The following GCDH variants were observed in gnomAD, a reference collection of about 807,000 sequenced individuals.
GCDH encodes the protein glutaryl-CoA dehydrogenase, also known as glutaryl-CoA dehydrogenase, mitochondrial.
GCDH carries 31 observed loss-of-function variants against 52.8 expected under a neutral mutation model. The ratio of observed to expected loss-of-function variants is 0.59; its 90% CI spans 0.44 to 0.79. The LOEUF (loss-of-function observed/expected upper bound fraction) is 0.79, where lower values mean the gene tolerates loss of function less well. Ranked by LOEUF, GCDH falls within the 30% of genes least tolerant of loss-of-function variation. The pLI, the probability that GCDH is intolerant of heterozygous loss-of-function variation, is 0.00. For missense variants in GCDH, 509 were observed against 595.0 expected (o/e 0.86, Z 1.50); for synonymous variants, 242 against 250.0 (o/e 0.97, Z 0.30).
rs1355435798 is a variant in GCDH at position 12,896,400 on chromosome 19, C to T, written c.831C>T (p.Leu277=). ...TGGAGGTGCCAGAGGAGAATGTGCT[C>T]CCTGGTGCATCCAGCCTGGGGGTAA... ...DGVEVPEENV[L]PGASSLGGPF... Residue 277 remains leucine (L), a synonymous_variant, in exon 8 of 12, where the codon CTC becomes CTT. Transcript: ENST00000222214. The surrounding 1 kb of genome is among the most constrained non-coding windows in gnomAD (Gnocchi z 5.5). 6.2e-7 allele frequency: 1 copy of T among 1,613,650 alleles called. No individual in the cohort carries two copies. Among genetic ancestry groups the T allele is most frequent in the Non-Finnish European group, 8.5e-7 (1 of 1,179,894 alleles).
In GCDH at chr19:12,896,556, C is replaced by T. The variant is rs1053222308; in HGVS notation, c.852+135C>T. 6 of 770,456 alleles carry T rather than the reference C, an allele frequency of 7.8e-6. No homozygotes were observed. Among genetic ancestry groups the T allele is most frequent in the Admixed American group, 4.0e-5 (2 of 49,490 alleles). 47.7% of individuals were successfully genotyped at this position (770,456 alleles called of 1,614,324 possible). Reference sequence around the variant, plus strand: ...GTGGTGATTCTTACTCAGCCGGACTCGCTGACGTGCTGAAAACTGCCCCCA... The same window carrying T: ...GTGGTGATTCTTACTCAGCCGGACTTGCTGACGTGCTGAAAACTGCCCCCA... On this transcript the variant is annotated intron_variant, in intron 8 of 11. Transcript: ENST00000222214. This position sits in a 1 kb window ranked among gnomAD's most constrained non-coding sequence, Gnocchi z 5.5.
In GCDH at chr19:12,897,335, A is replaced by G; in HGVS notation, c.989A>G (p.Gln330Arg). The G allele has an allele frequency of 6.2e-7, 1 of 1,613,838 alleles. No individual in the cohort carries two copies. Among genetic ancestry groups the G allele is most frequent in the Non-Finnish European group, 8.5e-7 (1 of 1,179,994 alleles). The change falls in exon 10 of 12, where the codon CAG becomes CGG. Residue 330 changes from glutamine to arginine, a missense_variant. By Grantham distance (43) the Gln-to-Arg change is conservative. Transcript: ENST00000222214. ...TTTGGTGTCCCACTGGCCAGGAACC[A>G]GCTGATTCAGAAGAAGCTGGCAGAC... ...MQFGVPLARN[Q>R]LIQKKLADML... is the part of the protein sequence containing the mutation.
intron 11 of GCDH, chr19:12,898,929 G>A (rs558080823): frequency 5.6e-5 from 13 of 232,582 alleles, no homozygotes; most frequent in Admixed American, 3.6e-4. Flanking sequence ...TGGGAGAGGC[G>A]GCTTCAGATG....
Position 12,896,817 on chromosome 19 carries a change from TG to T in GCDH, c.853-89del. The stretch of plus-strand genomic sequence containing the variant: ...CCTGAGTCCCCCTGCGTGGGGTGGC[TG>T]GGGAGGAGGCTTTCCCTGCTTCAGA... On this transcript the variant is annotated intron_variant, in intron 8 of 11. Transcript: ENST00000222214. This position sits in a 1 kb window ranked among gnomAD's most constrained non-coding sequence, Gnocchi z 5.5. 1.2e-6 allele frequency: 1 copy of T among 865,414 alleles called. No homozygotes were observed. Among genetic ancestry groups the T allele is most frequent in the Non-Finnish European group, 1.9e-6 (1 of 518,574 alleles). The allele number at this position is 865,414 out of a possible 1,614,324, so 53.6% of individuals were successfully genotyped here. A position where few individuals can be genotyped will look rare whatever the true frequency, so the allele number is the denominator to read the frequency against.
chr19:12,897,150 G>A, intron 9 of GCDH, 137 bp downstream of exon 9: 2 of 1,215,350 alleles, frequency 1.6e-6, no homozygotes, highest in East Asian at 2.5e-5. Context: ...ACGTCCTTCT[G>A]AGCAGCTGTG....
Position 12,892,194 on chromosome 19 carries a change from T to C in GCDH, c.334+16T>C. 1 of 1,604,626 alleles carries C rather than the reference T, an allele frequency of 6.2e-7. No homozygotes were observed. The highest frequency in any genetic ancestry group is 8.5e-7 in the Non-Finnish European group (1 of 1,171,388). On this transcript the variant is annotated intron_variant, in intron 5 of 11. Transcript: ENST00000222214. The stretch of plus-strand genomic sequence containing the variant: ...ACCATCAAAGGTAGGAACAAGTATC[T>C]CTCCACACACTGCAGAACCCTCTGT...
Position 12,896,416 on chromosome 19 carries a change from C to T in GCDH, c.847C>T (p.Leu283=), listed in dbSNP as rs878930984. ...GAATGTGCTCCCTGGTGCATCCAGCCTGGGGGTAAGTGGCAGCCACTTTGG... is the reference window on the plus strand; with the variant it reads ...GAATGTGCTCCCTGGTGCATCCAGCTTGGGGGTAAGTGGCAGCCACTTTGG... The part of the protein sequence containing the change: ...EENVLPGASS[L]GGPFGCLNNA... The change falls in exon 8 of 12, where the codon CTG becomes TTG. Residue 283 remains leucine (L), a synonymous_variant. Transcript: ENST00000222214. This position sits in a 1 kb window ranked among gnomAD's most constrained non-coding sequence, Gnocchi z 5.5. 6.2e-7 allele frequency: 1 copy of T among 1,612,422 alleles called. No individual in the cohort carries two copies. Among genetic ancestry groups the T allele is most frequent in the Non-Finnish European group, 8.5e-7 (1 of 1,179,300 alleles).
intron 11 of GCDH, chr19:12,899,119 G>C: frequency 1.7e-6 from 1 of 586,122 alleles, no homozygotes; most frequent in South Asian, 2.0e-5. Context: ...GGCTGGGGGT[G>C]GGGAGAACTT....
In GCDH at chr19:12,899,502, A is replaced by G. The variant is rs1970782644; in HGVS notation, c.1278A>G (p.Arg426=). The G allele has an allele frequency of 6.2e-7, 1 of 1,614,096 alleles. No homozygotes were observed. The highest frequency in any genetic ancestry group is 8.5e-7 in the Non-Finnish European group (1 of 1,180,000). The change falls in exon 12 of 12, where the codon AGA becomes AGG. Residue 426 remains arginine, a synonymous_variant. Coordinates refer to ENST00000222214, the MANE Select transcript of GCDH (RefSeq NM_000159.4). The stretch of plus-strand genomic sequence containing the variant: ...ACATTCACGCCCTGATCCTTGGGAG[A>G]GCTATCACGGGAATCCAGGCGTTCA... The part of the protein sequence containing the change: ...THDIHALILG[R]AITGIQAFTA...
chr19:12,892,064 G>A, intron 4 of GCDH, 52 bp from the exon 5 acceptor site: 1 of 1,612,730 alleles, frequency 6.2e-7, no homozygotes, highest in Middle Eastern at 1.6e-4. Flanking sequence ...TGGGGCTGGG[G>A]CTTCCTGTGG....
At chr19:12,899,038 CAG>C (rs952621636) in intron 11 of GCDH, 3 of 441,288 alleles carry the variant, frequency 6.8e-6, no homozygotes, top group Non-Finnish European at 1.3e-5. Context: ...CCTTGGAGCT[CAG>C]GGGTGCTTTC....
At chr19:12,897,110 C>G in intron 9 of GCDH, 97 bp downstream of exon 9, 1 of 1,200,806 alleles carries the variant, frequency 8.3e-7, no homozygotes. Flanking sequence ...ACCCACCAGG[C>G]CTGAGTTCCT....
At chr19:12,893,198 T>G (rs779096847) in intron 5 of GCDH, among the ~76,000 whole-genome samples, 2 of 152,130 alleles carry the variant, frequency 1.3e-5, no homozygotes, top group Non-Finnish European at 2.9e-5. Context: ...CTTTGTTTCT[T>G]TTTTTAGAGA....
rs751454561 is a variant in GCDH, at chr19:12,893,602, A to G, written c.454A>G (p.Ile152Val). Residue 152 changes from isoleucine to valine, a missense_variant, in exon 6 of 12, where the codon ATC becomes GTC. By Grantham distance (29) the Ile-to-Val change is conservative. Transcript: ENST00000222214. ...SVQSSLVMHP[I>V]YAYGSEEQRQ... ...CCAGTCCTCCCTCGTCATGCACCCT[A>G]TCTATGCCTATGGCAGCGAGGAACA... The G allele has an allele frequency of 6.2e-7, 1 of 1,613,926 alleles. No homozygotes were observed. Among genetic ancestry groups the G allele is most frequent in the South Asian group, 1.1e-5 (1 of 91,088 alleles).
At chr19:12,891,439 G>C (rs533991873) in intron 2 of GCDH, 44 bp downstream of exon 2, 3 of 1,614,206 alleles carry the variant, frequency 1.9e-6, no homozygotes, top group Admixed American at 3.3e-5. Flanking sequence ...GGGAGGAACT[G>C]GGGGTTTAGG....
At chr19:12,894,159 C>A (rs1599611245) in intron 6 of GCDH, 1 of 1,563,414 alleles carries the variant, frequency 6.4e-7, no homozygotes, top group East Asian at 2.2e-5. Flanking sequence ...CCTTCCCAGC[C>A]ACTGGCTGCC....
Position 12,897,011 on chromosome 19 carries a change from C to T in GCDH, c.954C>T (p.Asp318=). Residue 318 remains aspartate (D), a splice_region_variant and synonymous_variant, in exon 9 of 12, where the codon GAC becomes GAT. Coordinates refer to ENST00000222214, the MANE Select transcript of GCDH (RefSeq NM_000159.4). ...ACACAGCCCGGCAGTACGCCCTCGACAGGTGTGTGAGGGCTGCAGTGAGAT... is the reference window on the plus strand; with the variant it reads ...ACACAGCCCGGCAGTACGCCCTCGATAGGTGTGTGAGGGCTGCAGTGAGAT... ...CLHTARQYAL[D]RMQFGVPLAR... is the part of the protein sequence containing the mutation. 6.2e-7 allele frequency: 1 copy of T among 1,607,078 alleles called. No homozygotes were observed. The highest frequency in any genetic ancestry group is 8.5e-7 in the Non-Finnish European group (1 of 1,175,162).
chr19:12,896,596 C>T lies in GCDH; in HGVS notation c.852+175C>T, dbSNP rs544802005. Among the ~76,000 whole-genome samples, 8 of 152,286 alleles carry T rather than the reference C, an allele frequency of 5.3e-5. No individual in the cohort carries two copies. In the South Asian group the frequency reaches 1.0e-3, roughly 20 times the overall value. ...AACTGCCCCCATTTGGTGACCGTCTCGCTCATCCCGGCTCTGCCCGGGACA... is the reference window on the plus strand; with the variant it reads ...AACTGCCCCCATTTGGTGACCGTCTTGCTCATCCCGGCTCTGCCCGGGACA... On this transcript the variant is annotated intron_variant, in intron 8 of 11. Transcript: ENST00000222214. This position sits in a 1 kb window ranked among gnomAD's most constrained non-coding sequence, Gnocchi z 5.5.
chr19:12,892,363 C>T (rs1002345759), intron 5 of GCDH, 185 bp downstream of exon 5: 9 of 645,560 alleles, frequency 1.4e-5, no homozygotes, highest in Non-Finnish European at 2.2e-5. Flanking sequence ...ACGATCTTGG[C>T]TCACTGCAAA....
Sources: gnomAD v4.1 joint callset for allele counts (sites outside exome capture counted in the v4.1 genomes callset) on GRCh38, gnomAD v4.1.1 for gene constraint, Gnocchi (gnomAD v3.1) non-coding constraint, MANE v1.5 for transcripts, NCBI Gene and HGNC (gene_info 2026-07-23, HGNC 2026-07-21) for gene names.